Variants in LINGO2 observed in about 807,000 individuals in gnomAD.
LINGO2 encodes leucine rich repeat and Ig domain containing 2.
In LINGO2, 14 loss-of-function variants were observed where a neutral mutation model predicts 30.6. The ratio of observed to expected loss-of-function variants is 0.46; its 90% CI spans 0.30 to 0.72. The LOEUF is 0.72. Among genes scored for constraint, LINGO2 ranks in the 30% least tolerant of loss-of-function variants. The pLI is 0.07. For missense variants in LINGO2, 729 were observed against 751.7 expected (o/e 0.97, Z 0.35); for synonymous variants, 317 against 288.5 (o/e 1.10, Z -1.00).
Position 28,307,667 on chromosome 9 carries a change from A to T in LINGO2, c.-245-12301T>A, listed in dbSNP as rs915304218. Among the ~76,000 whole-genome samples, 5 of 152,300 alleles carry T rather than the reference A, an allele frequency of 3.3e-5. No individual in the cohort carries two copies. In the East Asian group the frequency reaches 7.7e-4, roughly 24 times the overall value. On this transcript the variant is annotated intron_variant, in intron 3 of 5. Transcript: ENST00000379992. ...CCCTGTTTGCAGATGACATGATTGT[A>T]TATCTAGAAAACCCCATTGTCTCAG...
At chr9:28,317,327 GAA>G (rs1824880734) in intron 3 of LINGO2, among the ~76,000 whole-genome samples, 1 of 152,078 alleles carries the variant, frequency 6.6e-6, no homozygotes, top group Non-Finnish European at 1.5e-5. Context: ...AGAGCTAGAA[GAA>G]AAGTTTCTGA....
rs555439512 is a variant in LINGO2, at chr9:28,388,637, C to T, written c.-278-15769G>A. Among the ~76,000 whole-genome samples the T allele has an allele frequency of 3.3e-5, 5 of 152,014 alleles. No individual in the cohort carries two copies. In the South Asian group the frequency reaches 8.3e-4, roughly 25 times the overall value. On this transcript the variant is annotated intron_variant, in intron 2 of 5. Transcript: ENST00000379992. ...CACCCTTCATTTTAATATGTATGTC[C>T]CTCGTTATTAATGAGGTTCACAAGA... is the stretch of plus-strand genomic sequence containing the variant.
chr9:28,660,362 TA>T (rs1161514110), intron 1 of LINGO2, among the ~76,000 whole-genome samples: 1 of 151,760 alleles, frequency 6.6e-6, no homozygotes, highest in African/African-American at 2.4e-5. Flanking sequence ...ATTAGATAAA[TA>T]AAAAACAAAA....
chr9:28,199,097 T>C (rs1186729352), intron 4 of LINGO2, among the ~76,000 whole-genome samples: 1 of 152,170 alleles, frequency 6.6e-6, no homozygotes, highest in African/African-American at 2.4e-5. Context: ...TCCCCGTAAA[T>C]ACATGTATCA....
intron 5 of LINGO2, among the ~76,000 whole-genome samples, chr9:28,005,158 C>T (rs999053303): frequency 2.6e-5 from 4 of 152,156 alleles, no homozygotes; most frequent in Non-Finnish European, 5.9e-5. Context: ...ACTGGATAAA[C>T]TTTCTACTTC....
At chr9:28,719,674 A>G in the LINGO2 span, among the ~76,000 whole-genome samples, 1 of 151,884 alleles carries the variant, frequency 6.6e-6, no homozygotes, top group Non-Finnish European at 1.5e-5. Flanking sequence ...TTCTCATTAT[A>G]CACTTCCTGA....
chr9:28,995,579 A>G, the LINGO2 span, among the ~76,000 whole-genome samples: 23 of 152,062 alleles, frequency 1.5e-4, no homozygotes, highest in African/African-American at 5.6e-4. Flanking sequence ...ACGTATGTTT[A>G]TTGCCGCACT....
At chr9:28,020,531 A>AAAAACAAAAC (rs138914532) in intron 4 of LINGO2, among the ~76,000 whole-genome samples, 21 of 148,686 alleles carry the variant, frequency 1.4e-4, no homozygotes, top group African/African-American at 5.0e-4. Context: ...TCTGTCTTAT[A>AAAAACAAAAC]AAAACAAAAC....
intron 1 of LINGO2, among the ~76,000 whole-genome samples, chr9:28,493,116 G>C (rs1826464893): frequency 3.3e-5 from 5 of 152,082 alleles, no homozygotes; most frequent in Admixed American, 2.6e-4. Context: ...TCCTTAGTTT[G>C]TGGCGTTTGT....
chr9:28,066,202 A>G (rs557011493), intron 4 of LINGO2, among the ~76,000 whole-genome samples: 3 of 152,202 alleles, frequency 2.0e-5, no homozygotes, highest in South Asian at 2.1e-4. Context: ...GAGACAGCCT[A>G]AATTTTCTCC....
intron 4 of LINGO2, among the ~76,000 whole-genome samples, chr9:28,169,082 C>G (rs756136762): frequency 2.0e-5 from 3 of 152,126 alleles, no homozygotes; most frequent in Non-Finnish European, 4.4e-5. Flanking sequence ...CAAAAGCCAC[C>G]AAAAACAATG....
chr9:28,065,646 T>C (rs952096927), intron 4 of LINGO2, among the ~76,000 whole-genome samples: 1 of 152,150 alleles, frequency 6.6e-6, no homozygotes, highest in Non-Finnish European at 1.5e-5. Flanking sequence ...AACTCCTCCA[T>C]GAAGCCTCAG....
chr9:28,104,255 G>GTTTTTTTTTTTT (rs1453019033), intron 4 of LINGO2, among the ~76,000 whole-genome samples: 4 of 75,168 alleles, frequency 5.3e-5, no homozygotes, highest in East Asian at 5.1e-4. Context: ...CCCAGTACAA[G>GTTTTTTTTTTTT]TTTTTTGTTT....
the LINGO2 span, among the ~76,000 whole-genome samples, chr9:28,720,525 G>A: frequency 1.7e-3 from 263 of 151,914 alleles, 1 homozygote; most frequent in African/African-American, 6.2e-3. Flanking sequence ...TCTCCCACAC[G>A]GAATTCATAT....
intron 1 of LINGO2, among the ~76,000 whole-genome samples, chr9:28,493,785 C>T (rs1203405306): frequency 4.6e-5 from 7 of 152,134 alleles, no homozygotes; most frequent in Non-Finnish European, 1.0e-4. Flanking sequence ...ATCTAATAAA[C>T]TGCCAGCACG....
the LINGO2 span, among the ~76,000 whole-genome samples, chr9:28,852,672 T>C: frequency 2.0e-5 from 3 of 152,020 alleles, no homozygotes; most frequent in Non-Finnish European, 4.4e-5. Flanking sequence ...GCTGGCTTTT[T>C]CTAGAATAGT....
the LINGO2 span, among the ~76,000 whole-genome samples, chr9:29,147,976 T>C: frequency 6.6e-6 from 1 of 152,084 alleles, no homozygotes; most frequent in Non-Finnish European, 1.5e-5. Flanking sequence ...GATAGCAAAA[T>C]TATATTTTAC....
At chr9:28,911,213 CATTAT>C in the LINGO2 span, among the ~76,000 whole-genome samples, 4 of 151,974 alleles carry the variant, frequency 2.6e-5, no homozygotes, top group African/African-American at 9.7e-5. Flanking sequence ...ACGTATTTCA[CATTAT>C]ATTAGATCAC....
rs1827895595 is a variant in LINGO2 at position 28,148,844 on chromosome 9, C to T, written c.-86-136439G>A. ...GAAGGTGCTGGGTAAAGACCACCTG[C>T]CCAGCTCTCCAGGCTTGCTGATGGT... On this transcript the variant is annotated intron_variant, in intron 4 of 5. Transcript: ENST00000379992. The surrounding 1 kb of genome is among the most constrained non-coding windows in gnomAD (Gnocchi z 5.1). 1 of 1,533,746 alleles carries T rather than the reference C, an allele frequency of 6.5e-7. No homozygotes were observed. The highest frequency in any genetic ancestry group is 2.0e-5 in the Admixed American group (1 of 51,002).
Sources: gnomAD v4.1 joint callset for allele counts (sites outside exome capture counted in the v4.1 genomes callset) on GRCh38, gnomAD v4.1.1 for gene constraint, Gnocchi (gnomAD v3.1) non-coding constraint, MANE v1.5 for transcripts, NCBI Gene and HGNC (gene_info 2026-07-23, HGNC 2026-07-21) for gene names.